Variants in IMMP2L observed in about 807,000 individuals in gnomAD.
IMMP2L encodes the protein mitochondrial inner membrane protease subunit 2.
Under a neutral mutation model 19.3 loss-of-function variants are expected in IMMP2L, and 18 were observed. The observed-to-expected ratio is 0.93, with a 90% CI of 0.64 to 1.38. IMMP2L has a LOEUF of 1.38. IMMP2L is among the 40% of genes most tolerant of loss of function. The pLI is 0.00. For missense variants in IMMP2L, 233 were observed against 218.2 expected (o/e 1.07, Z -0.43); for synonymous variants, 76 against 73.0 (o/e 1.04, Z -0.21).
At chr7:111,217,626 G>C (rs562172444) in intron 3 of IMMP2L, among the ~76,000 whole-genome samples, 25 of 152,214 alleles carry the variant, frequency 1.6e-4, no homozygotes, top group Middle Eastern at 6.8e-3. Flanking sequence ...AATTGTGACA[G>C]AATTATCCAA....
chr7:111,372,043 C>T (rs1326052234), intron 3 of IMMP2L, among the ~76,000 whole-genome samples: 1 of 151,854 alleles, frequency 6.6e-6, no homozygotes, highest in African/African-American at 2.4e-5. Context: ...TTCAGTATTC[C>T]AATTTTGTCA....
intron 5 of IMMP2L, among the ~76,000 whole-genome samples, chr7:110,864,067 T>A (rs569843293): frequency 6.6e-6 from 1 of 152,232 alleles, no homozygotes; most frequent in Admixed American, 6.5e-5. Flanking sequence ...TTATGTAGGA[T>A]TTGTTATGTT....
At position 110,829,442 on chromosome 7, in the gene IMMP2L, A is replaced by G. The variant is rs544807299; in HGVS notation, c.408+57151T>C. ...CCTAATTTTTCTGTTAAGTGCTTCAATCACATGTAAATGTGTTATGAATAT... is the reference window on the plus strand; with the variant it reads ...CCTAATTTTTCTGTTAAGTGCTTCAGTCACATGTAAATGTGTTATGAATAT... On this transcript the variant is annotated intron_variant, in intron 5 of 5. Transcript: ENST00000405709. Among the ~76,000 whole-genome samples the G allele has an allele frequency of 3.0e-4, 45 of 152,304 alleles. No individual in the cohort carries two copies. The South Asian group carries it at 9.3e-3, about 32-fold the overall frequency.
At chr7:111,514,081 T>C (rs1845675060) in intron 2 of IMMP2L, among the ~76,000 whole-genome samples, 1 of 152,062 alleles carries the variant, frequency 6.6e-6, no homozygotes, top group South Asian at 2.1e-4. Context: ...GTTTCAGTTA[T>C]GTAGGATTAA....
intron 5 of IMMP2L, among the ~76,000 whole-genome samples, chr7:110,678,922 ACT>A (rs1008626782): frequency 5.9e-5 from 9 of 151,816 alleles, no homozygotes; most frequent in Non-Finnish European, 4.4e-5. Flanking sequence ...TCGAAATGAG[ACT>A]CTCTCTTTCA....
chr7:111,066,189 G>T (rs1166800102), intron 3 of IMMP2L, among the ~76,000 whole-genome samples: 2 of 151,810 alleles, frequency 1.3e-5, no homozygotes, highest in Non-Finnish European at 2.9e-5. Context: ...CTCCATATTG[G>T]CCAGGCTGGT....
chr7:111,087,765 TG>T (rs1418813291), intron 3 of IMMP2L, among the ~76,000 whole-genome samples: 3 of 152,154 alleles, frequency 2.0e-5, no homozygotes, highest in Non-Finnish European at 4.4e-5. Context: ...AGAGTGCTAT[TG>T]TGGGTCAAAT....
At chr7:111,027,907 C>T (rs750458264) in intron 3 of IMMP2L, among the ~76,000 whole-genome samples, 3 of 151,920 alleles carry the variant, frequency 2.0e-5, no homozygotes, top group African/African-American at 7.3e-5. Context: ...AAAAGCTTGA[C>T]AACTTAGAAA....
intron 3 of IMMP2L, among the ~76,000 whole-genome samples, chr7:111,441,536 C>T (rs1389785847): frequency 6.6e-6 from 1 of 151,558 alleles, no homozygotes; most frequent in Admixed American, 6.6e-5. Flanking sequence ...TGCCTCAAAA[C>T]AGTTACAATG....
intron 5 of IMMP2L, among the ~76,000 whole-genome samples, chr7:110,744,865 C>T (rs149990867): frequency 0.14 from 20,862 of 152,050 alleles, 1,592 homozygotes; most frequent in South Asian, 0.3. Flanking sequence ...CACAACTCCT[C>T]GCCAGCAAGG....
intron 3 of IMMP2L, among the ~76,000 whole-genome samples, chr7:111,433,828 T>C (rs1285470568): frequency 6.6e-6 from 1 of 151,664 alleles, no homozygotes; most frequent in African/African-American, 2.4e-5. Context: ...CCCATAACCA[T>C]AGAATGGAAG....
chr7:111,381,841 A>G (rs560997401), intron 3 of IMMP2L, among the ~76,000 whole-genome samples: 2 of 152,124 alleles, frequency 1.3e-5, no homozygotes, highest in African/African-American at 4.8e-5. Flanking sequence ...TACTATAATG[A>G]GCTAAATGGA....
intron 3 of IMMP2L, among the ~76,000 whole-genome samples, chr7:111,159,037 A>G (rs187030221): frequency 1.3e-5 from 2 of 152,210 alleles, no homozygotes; most frequent in Non-Finnish European, 2.9e-5. Context: ...ACATAAAATT[A>G]TAAGTGTTTT....
intron 3 of IMMP2L, among the ~76,000 whole-genome samples, chr7:111,240,741 T>C (rs1814914409): frequency 6.6e-6 from 1 of 151,950 alleles, no homozygotes. Context: ...TTTATATTGG[T>C]AGTCTGCCCA....
intron 3 of IMMP2L, among the ~76,000 whole-genome samples, chr7:111,199,821 G>A (rs930140116): frequency 6.6e-6 from 1 of 152,084 alleles, no homozygotes; most frequent in African/African-American, 2.4e-5. Flanking sequence ...CTCACATAAA[G>A]TATGCTGCTA....
chr7:111,067,721 T>A (rs1289927110), intron 3 of IMMP2L, among the ~76,000 whole-genome samples: 2 of 152,194 alleles, frequency 1.3e-5, no homozygotes, highest in Non-Finnish European at 1.5e-5. Context: ...AAAAAAAGAC[T>A]TGTTTAAAGT....
chr7:111,152,523 T>G (rs1804192048), intron 3 of IMMP2L, among the ~76,000 whole-genome samples: 1 of 152,282 alleles, frequency 6.6e-6, no homozygotes, highest in South Asian at 2.1e-4. Context: ...AATCTTAATT[T>G]ATTAAGCATA....
chr7:111,005,715 T>A (rs942305345), intron 3 of IMMP2L, among the ~76,000 whole-genome samples: 1 of 152,200 alleles, frequency 6.6e-6, no homozygotes, highest in Non-Finnish European at 1.5e-5. Flanking sequence ...AAGAATCTGA[T>A]TCCTTTTATG....
chr7:110,773,640 G>C (rs929821399), intron 5 of IMMP2L, among the ~76,000 whole-genome samples: 1 of 152,062 alleles, frequency 6.6e-6, no homozygotes, highest in Non-Finnish European at 1.5e-5. Context: ...CAACTACAAC[G>C]AAACAACTGT....
Sources: allele counts gnomAD v4.1 joint callset (sites outside exome capture counted in the v4.1 genomes callset), GRCh38; gene constraint gnomAD v4.1.1; transcripts MANE v1.5; gene names NCBI Gene and HGNC (gene_info 2026-07-23, HGNC 2026-07-21).